PTK2: variants seen among roughly 807,000 people sequenced by gnomAD.
PTK2 encodes protein tyrosine kinase 2, also known as focal adhesion kinase 1.
A neutral mutation model predicts 150.1 loss-of-function variants in PTK2; 45 were observed. The ratio of observed to expected loss-of-function variants is 0.30; its 90% CI spans 0.24 to 0.38. PTK2 has a LOEUF of 0.38. Ranked by LOEUF, PTK2 falls within the 10% of genes least tolerant of loss-of-function variation. PTK2 has a pLI of 1.00. For synonymous variants in PTK2, 432 were observed against 449.2 expected (o/e 0.96, Z 0.48); for missense variants, 919 against 1,307.3 (o/e 0.70, Z 4.58).
At chr8:140,738,915 G>A in intron 21 of PTK2, 103 bp downstream of exon 24, 1 of 684,718 alleles carries the variant, frequency 1.5e-6, no homozygotes, top group Non-Finnish European at 2.2e-6. Flanking sequence ...GATCAGGTTA[G>A]GGAAGGCAAA....
At chr8:140,721,049 G>T (rs2100042650) in intron 22 of PTK2, among the ~76,000 whole-genome samples, 1 of 151,790 alleles carries the variant, frequency 6.6e-6, no homozygotes, top group African/African-American at 2.4e-5. Context: ...GAGCCACCAT[G>T]CCTGGCCTCC....
At chr8:140,785,618 C>G (rs2100084499) in intron 14 of PTK2, among the ~76,000 whole-genome samples, 1 of 152,136 alleles carries the variant, frequency 6.6e-6, no homozygotes, top group African/African-American at 2.4e-5. Flanking sequence ...CATGAAGACT[C>G]TCCATCTTCA....
intron 1 of PTK2, among the ~76,000 whole-genome samples, chr8:140,964,971 A>G (rs570573224): frequency 6.6e-6 from 1 of 152,294 alleles, no homozygotes; most frequent in East Asian, 1.9e-4. Flanking sequence ...GCTTTACAGA[A>G]TTTTGATGGT....
chr8:140,757,349 A>T (rs2100066432), intron 16 of PTK2, among the ~76,000 whole-genome samples: 1 of 152,208 alleles, frequency 6.6e-6, no homozygotes, highest in African/African-American at 2.4e-5. Flanking sequence ...GGGCAGAGTT[A>T]AGAGACTGTG....
At chr8:140,844,267 A>G (rs1375784377) in intron 7 of PTK2, among the ~76,000 whole-genome samples, 1 of 152,144 alleles carries the variant, frequency 6.6e-6, no homozygotes, top group Non-Finnish European at 1.5e-5. Flanking sequence ...TCACTGTAAA[A>G]TTACTTTTTC....
exon 10 of PTK2, chr8:140,818,332 T>C: frequency 3.1e-6 from 5 of 1,614,022 alleles, no homozygotes; most frequent in Non-Finnish European, 4.2e-6. Context: ...GATTGCCAGT[T>C]CCACTGAAAT....
At chr8:140,848,217 A>G (rs530909983) in intron 5 of PTK2, among the ~76,000 whole-genome samples, 3 of 152,226 alleles carry the variant, frequency 2.0e-5, no homozygotes, top group Non-Finnish European at 4.4e-5. Flanking sequence ...AGAGAAGATA[A>G]AACACATCAG....
intron 11 of PTK2, among the ~76,000 whole-genome samples, chr8:140,803,266 G>C (rs745899874): frequency 6.6e-6 from 1 of 151,956 alleles, no homozygotes. Context: ...CCAAAGTGCT[G>C]GGATTACAGG....
intron 13 of PTK2, among the ~76,000 whole-genome samples, chr8:140,791,200 G>C (rs1332903930): frequency 6.6e-6 from 1 of 151,944 alleles, no homozygotes; most frequent in Non-Finnish European, 1.5e-5. Flanking sequence ...AAATGGGGTG[G>C]AGTCTCACGA....
chr8:140,892,579 T>C (rs750075911), intron 2 of PTK2: 1 of 455,598 alleles, frequency 2.2e-6, no homozygotes, highest in Admixed American at 2.6e-5. Flanking sequence ...AACCCTCTGT[T>C]GGTATCAAAC....
chr8:140,989,019 G>A (rs184787532), intron 1 of PTK2, among the ~76,000 whole-genome samples: 1 of 151,542 alleles, frequency 6.6e-6, no homozygotes, highest in African/African-American at 2.4e-5. Context: ...CAAAAAAAAG[G>A]AGGAACTATA....
chr8:140,963,204 C>T (rs929357744), intron 1 of PTK2, among the ~76,000 whole-genome samples: 3 of 152,092 alleles, frequency 2.0e-5, no homozygotes, highest in African/African-American at 7.2e-5. Context: ...ATAGCATCTC[C>T]TCTTAACTAA....
intron 23 of PTK2, among the ~76,000 whole-genome samples, chr8:140,708,985 T>C: frequency 8.0e-6 from 1 of 125,674 alleles, no homozygotes; most frequent in Non-Finnish European, 1.8e-5. Context: ...AAAAAAAAAG[T>C]TACAATTTAC....
intron 22 of PTK2, among the ~76,000 whole-genome samples, chr8:140,732,248 C>T (rs1156908770): frequency 1.3e-5 from 2 of 152,064 alleles, no homozygotes; most frequent in African/African-American, 2.4e-5. Flanking sequence ...ATTTGGTAGC[C>T]TAATTGTATA....
At chr8:140,968,701 C>T (rs1285790325) in intron 1 of PTK2, among the ~76,000 whole-genome samples, 1 of 152,178 alleles carries the variant, frequency 6.6e-6, no homozygotes, top group African/African-American at 2.4e-5. Context: ...AATCAATAGG[C>T]ATAGTCAATA....
intron 12 of PTK2, among the ~76,000 whole-genome samples, chr8:140,796,417 C>T (rs1184476024): frequency 1.3e-5 from 2 of 152,176 alleles, no homozygotes; most frequent in African/African-American, 4.8e-5. Context: ...GACCACCTCC[C>T]ACCACCAGCA....
At chr8:140,762,265 A>C in intron 15 of PTK2, 103 bp downstream of exon 18, 1 of 552,928 alleles carries the variant, frequency 1.8e-6, no homozygotes, top group Non-Finnish European at 2.4e-6. Context: ...TAAACCAATG[A>C]CAAATAGTTT....
chr8:140,697,449 TGTG>T (rs1590858986), intron 26 of PTK2, among the ~76,000 whole-genome samples: 1 of 151,844 alleles, frequency 6.6e-6, no homozygotes, highest in East Asian at 2.0e-4. Flanking sequence ...TGTGTGTGTG[TGTG>T]TGTTTTTAAA....
In PTK2 at chr8:140,915,059, T is replaced by C. The variant is rs548930470; in HGVS notation, c.-33+10602A>G. Among the ~76,000 whole-genome samples the C allele has an allele frequency of 1.8e-4, 25 of 140,980 alleles. No homozygotes were observed. The East Asian group carries it at 5.0e-3, about 28-fold the overall frequency. 92.5% of individuals were successfully genotyped at this position (140,980 alleles called of 152,430 possible). ...AAAAAAAAAAAAAAAAAAAAAAGTCTACTACGTCTTAGGCACTGGGAATGC... is the reference window on the plus strand; with the variant it reads ...AAAAAAAAAAAAAAAAAAAAAAGTCCACTACGTCTTAGGCACTGGGAATGC... On this transcript the variant is annotated intron_variant, in intron 2 of 31. Coordinates refer to ENST00000522684, the Ensembl canonical transcript of PTK2.
Sources: gnomAD v4.1 joint callset for allele counts (sites outside exome capture counted in the v4.1 genomes callset) on GRCh38, gnomAD v4.1.1 for gene constraint, MANE v1.5 for transcripts, NCBI Gene and HGNC (gene_info 2026-07-23, HGNC 2026-07-21) for gene names.